Variants in RERE observed in about 807,000 individuals in gnomAD.
RERE encodes arginine-glutamic acid dipeptide repeats, also known as arginine-glutamic acid dipeptide repeats protein.
Under a neutral mutation model 146.1 loss-of-function variants are expected in RERE, and 40 were observed. That is an observed-to-expected ratio of 0.27 (90% CI 0.21 to 0.36). RERE has a LOEUF of 0.36. Ranked by LOEUF, RERE falls within the 10% of genes least tolerant of loss-of-function variation. RERE has a pLI of 1.00. For synonymous variants in RERE, 1,003 were observed against 866.0 expected (o/e 1.16, Z -2.78); for missense variants, 1,933 against 2,138.7 (o/e 0.90, Z 1.90).
intron 4 of RERE, 34 bp from the exon 5 acceptor site, chr1:8,557,557 G>C (rs952604322): frequency 3.5e-6 from 5 of 1,432,124 alleles, no homozygotes; most frequent in Non-Finnish European, 4.9e-6. Flanking sequence ...TTAGGAACAG[G>C]ATTTCAGGTG....
chr1:8,551,469 A>C (rs998782384), intron 6 of RERE, among the ~76,000 whole-genome samples: 4 of 152,240 alleles, frequency 2.6e-5, no homozygotes, highest in African/African-American at 9.6e-5. Context: ...CATATACCTG[A>C]AGGAATCTAA....
chr1:8,617,634 G>A (rs1277412803), intron 3 of RERE, among the ~76,000 whole-genome samples: 1 of 152,138 alleles, frequency 6.6e-6, no homozygotes, highest in Admixed American at 6.6e-5. Flanking sequence ...TACCTTGAAG[G>A]ACTGTCAAAA....
chr1:8,670,669 A>G (rs1638691670), intron 1 of RERE, among the ~76,000 whole-genome samples: 1 of 152,224 alleles, frequency 6.6e-6, no homozygotes, highest in Non-Finnish European at 1.5e-5. Flanking sequence ...GGGCAGAGAG[A>G]AAAGCAAGCA....
intron 2 of RERE, among the ~76,000 whole-genome samples, chr1:8,627,739 T>C (rs1229004997): frequency 6.6e-6 from 1 of 152,172 alleles, no homozygotes; most frequent in Non-Finnish European, 1.5e-5. Flanking sequence ...CATCTTACTG[T>C]GAGATATAAA....
At chr1:8,772,116 G>A (rs1640965318) in intron 1 of RERE, among the ~76,000 whole-genome samples, 1 of 151,860 alleles carries the variant, frequency 6.6e-6, no homozygotes, top group African/African-American at 2.4e-5. Flanking sequence ...TAGAAAAAGA[G>A]ACTGGAAGAA....
rs566123882 is a variant in RERE at position 8,655,265 on chromosome 1, G to A, written c.325+708C>T. On this transcript the variant is annotated intron_variant, in intron 2 of 22. Coordinates refer to ENST00000400908, the MANE Select transcript of RERE (RefSeq NM_001042681.2). ...TCTGTTGCCCAGGCTGGAGTGCAGT[G>A]GTGTGATCTCGGCTGACTGCAACCT... 4.8e-4 allele frequency among the ~76,000 whole-genome samples: 73 copies of A among 151,844 alleles called. 1 individual carries two copies. The highest frequency in any genetic ancestry group is 9.3e-4 in the Non-Finnish European group (63 of 67,900).
rs781110313 is a variant in RERE at position 8,356,239 on chromosome 1, T to C, written c.4347A>G (p.Ala1449=). ...GGTCGACCAGCGGGTGAACGGGGCC[T>C]GCTGAACCTAAGGAAAGGACAAAAC... ...HQQDPLHQGS[A]GPVHPLVDPL... is the part of the protein sequence containing the mutation. Residue 1449 remains alanine (A), a synonymous_variant, in exon 21 of 23, where the codon GCA becomes GCG. Coordinates refer to ENST00000400908, the MANE Select transcript of RERE (RefSeq NM_001042681.2). This position sits in a 1 kb window ranked among gnomAD's most constrained non-coding sequence, Gnocchi z 5.2. 2.0e-6 allele frequency: 3 copies of C among 1,522,590 alleles called. No individual in the cohort carries two copies. Among genetic ancestry groups the C allele is most frequent in the Non-Finnish European group, 2.6e-6 (3 of 1,146,982 alleles). The allele number at this position is 1,522,590 out of a possible 1,614,324, so 94.3% of individuals were successfully genotyped here. A position where few individuals can be genotyped will look rare whatever the true frequency, so the allele number is the denominator to read the frequency against.
intron 4 of RERE, among the ~76,000 whole-genome samples, chr1:8,562,060 G>C (rs911515425): frequency 6.6e-6 from 1 of 152,142 alleles, no homozygotes; most frequent in African/African-American, 2.4e-5. Context: ...TTGGTTGTGA[G>C]GATTAAATAA....
chr1:8,626,496 A>G (rs552874770), intron 2 of RERE, among the ~76,000 whole-genome samples: 1 of 152,194 alleles, frequency 6.6e-6, no homozygotes, highest in African/African-American at 2.4e-5. Context: ...CCTAAATCCA[A>G]CCCAAAGGGC....
rs185081083 is a variant in RERE at position 8,471,576 on chromosome 1, C to T, written c.1105-5553G>A. Among the ~76,000 whole-genome samples, 425 of 147,724 alleles carry T rather than the reference C, an allele frequency of 2.9e-3. 2 individuals are homozygous for T. Among genetic ancestry groups the T allele is most frequent in the Middle Eastern group, 0.014 (4 of 276 alleles). ...TGTTGCCTGAGCTAGAGTGCAATGG[C>T]ACAATCAGCCCACTTCCGCCTGAAT... On this transcript the variant is annotated intron_variant, in intron 10 of 22. Coordinates refer to ENST00000400908, the MANE Select transcript of RERE (RefSeq NM_001042681.2).
chr1:8,361,088 G>T lies in RERE; in HGVS notation c.2419C>A (p.His807Asn), dbSNP rs74404482. The change falls in exon 18 of 23, where the codon CAC becomes AAC. Residue 807 changes from histidine to asparagine, a missense_variant. By Grantham distance (68) the His-to-Asn change is moderately conservative. Coordinates refer to ENST00000400908, the MANE Select transcript of RERE (RefSeq NM_001042681.2). ...TGCGGTGAGGGCGGCCGCTGGGGGT[G>T]CAAGGCCGGTGCCTGTTGGATGTGG... ...HTHIQQAPAL[H>N]PQRPPSPHPP... is the part of the protein sequence containing the mutation. The T allele has an allele frequency of 6.7e-5, 97 of 1,440,644 alleles. No homozygotes were observed. The African/African-American group carries it at 1.3e-3, about 20-fold the overall frequency. 89.2% of individuals were successfully genotyped at this position (1,440,644 alleles called of 1,614,324 possible). A position where few individuals can be genotyped will look rare whatever the true frequency, so the allele number is the denominator to read the frequency against.
At chr1:8,811,712 G>A (rs1241581517) in intron 1 of RERE, among the ~76,000 whole-genome samples, 1 of 152,234 alleles carries the variant, frequency 6.6e-6, no homozygotes, top group African/African-American at 2.4e-5. Flanking sequence ...GAGCTAGAAT[G>A]GGTTTTTGTA....
intron 12 of RERE, among the ~76,000 whole-genome samples, chr1:8,390,348 A>C (rs1642841501): frequency 6.6e-6 from 1 of 152,178 alleles, no homozygotes. Context: ...AGAGTGGAAA[A>C]AACAAACCTG....
intron 1 of RERE, among the ~76,000 whole-genome samples, chr1:8,707,288 C>T (rs559540679): frequency 2.6e-5 from 4 of 152,254 alleles, no homozygotes; most frequent in African/African-American, 9.6e-5. Context: ...ATAATTAAAT[C>T]GAAAGTCTAG....
intron 4 of RERE, among the ~76,000 whole-genome samples, chr1:8,606,784 T>C (rs909209828): frequency 2.0e-5 from 3 of 152,170 alleles, no homozygotes; most frequent in African/African-American, 7.2e-5. Flanking sequence ...TTTTCTATTC[T>C]CAAATTTTCA....
chr1:8,767,750 G>T (rs1640875602), intron 1 of RERE, among the ~76,000 whole-genome samples: 1 of 151,844 alleles, frequency 6.6e-6, no homozygotes, highest in Admixed American at 6.6e-5. Flanking sequence ...TCACTTGAAG[G>T]TCAGGAGTTC....
intron 2 of RERE, among the ~76,000 whole-genome samples, chr1:8,652,270 C>T (rs892356256): frequency 6.6e-6 from 1 of 152,184 alleles, no homozygotes; most frequent in East Asian, 1.9e-4. Context: ...CCATGTGTGG[C>T]CTTTATAGAT....
At chr1:8,746,655 C>A (rs1640426495) in intron 1 of RERE, among the ~76,000 whole-genome samples, 1 of 151,920 alleles carries the variant, frequency 6.6e-6, no homozygotes, top group Non-Finnish European at 1.5e-5. Context: ...AGAGACTATA[C>A]TGACATACGA....
chr1:8,452,431 G>A (rs1050291909), intron 11 of RERE, among the ~76,000 whole-genome samples: 10 of 152,342 alleles, frequency 6.6e-5, no homozygotes, highest in Non-Finnish European at 1.3e-4. Flanking sequence ...ACCAAGGTTG[G>A]TGGTAACTCC....
Sources: allele counts gnomAD v4.1 joint callset (sites outside exome capture counted in the v4.1 genomes callset), GRCh38; gene constraint gnomAD v4.1.1; non-coding constraint Gnocchi (gnomAD v3.1); transcripts MANE v1.5; gene names NCBI Gene and HGNC (gene_info 2026-07-23, HGNC 2026-07-21).